The following ERBB4 variants were observed in gnomAD, a reference collection of about 807,000 sequenced individuals.
ERBB4 encodes the protein receptor tyrosine-protein kinase erbB-4.
In ERBB4, 42 loss-of-function variants were observed where a neutral mutation model predicts 158.0. The observed-to-expected ratio is 0.27, with a 90% CI of 0.21 to 0.34. The LOEUF (loss-of-function observed/expected upper bound fraction) is 0.34. Ranked by LOEUF, ERBB4 falls within the 10% of genes least tolerant of loss-of-function variation. The probability of loss-of-function intolerance (pLI) is 1.00; values close to 1 mark genes in which losing one functional copy is unlikely to be tolerated. For synonymous variants in ERBB4, 583 were observed against 558.7 expected (o/e 1.04, Z -0.61); for missense variants, 1,333 against 1,624.1 (o/e 0.82, Z 3.08).
In ERBB4 at chr2:212,211,979, T is replaced by C. The variant is rs111547420; in HGVS notation, c.83-87076A>G. Among the ~76,000 whole-genome samples the C allele has an allele frequency of 8.5e-3, 1,299 of 152,248 alleles. 20 individuals carry two copies. The highest frequency in any genetic ancestry group is 0.03 in the African/African-American group (1,231 of 41,554). ...GTCTATCAGTGATGGGCATTTGGGT[T>C]GGTTCCATATCTTTACTACTGTAAA... On this transcript the variant is annotated intron_variant, in intron 1 of 27. Coordinates refer to ENST00000342788, the MANE Select transcript of ERBB4 (RefSeq NM_005235.3).
intron 3 of ERBB4, among the ~76,000 whole-genome samples, chr2:211,828,574 T>TC (rs1231486323): frequency 1.3e-5 from 2 of 151,944 alleles, no homozygotes; most frequent in Non-Finnish European, 2.9e-5. Flanking sequence ...TTTTACATTT[T>TC]TTTGTCACTG....
chr2:211,874,518 C>T (rs1208699770), intron 3 of ERBB4, among the ~76,000 whole-genome samples: 1 of 152,068 alleles, frequency 6.6e-6, no homozygotes, highest in Admixed American at 6.6e-5. Flanking sequence ...GTAATATCTC[C>T]TTTGATAAAT....
At chr2:212,164,352 T>G (rs2081287289) in intron 1 of ERBB4, among the ~76,000 whole-genome samples, 1 of 152,068 alleles carries the variant, frequency 6.6e-6, no homozygotes, top group South Asian at 2.1e-4. Context: ...TTTAGACATA[T>G]TTAATCCAAG....
At chr2:212,102,775 C>A (rs1575635728) in intron 2 of ERBB4, among the ~76,000 whole-genome samples, 2 of 152,110 alleles carry the variant, frequency 1.3e-5, no homozygotes, top group Admixed American at 1.3e-4. Flanking sequence ...GTCAACAGAA[C>A]CTCTTCCACT....
intron 2 of ERBB4, among the ~76,000 whole-genome samples, chr2:212,009,412 C>T (rs904938494): frequency 6.6e-6 from 1 of 151,220 alleles, no homozygotes; most frequent in Non-Finnish European, 1.5e-5. Flanking sequence ...CACTTGGGGG[C>T]TACTAGATGT....
intron 20 of ERBB4, among the ~76,000 whole-genome samples, chr2:211,457,858 C>T (rs1237719311): frequency 1.3e-5 from 2 of 152,194 alleles, no homozygotes; most frequent in Admixed American, 1.3e-4. Flanking sequence ...CATGCAACTG[C>T]TAGAGACCAA....
rs188376385 is a variant in ERBB4, at chr2:211,679,257, C to G, written c.1490-73G>C. On this transcript the variant is annotated intron_variant, in intron 12 of 27. Transcript: ENST00000342788. ...AAACTTAAAATCTTCCTAGGTAATG[C>G]TATTTCTAAAGGAGTTCACTTAAAA... is the stretch of plus-strand genomic sequence containing the variant. 643 of 1,546,980 alleles carry G rather than the reference C, an allele frequency of 4.2e-4. 4 individuals carry two copies. In the African/African-American group the frequency reaches 7.8e-3, roughly 19 times the overall value.
intron 25 of ERBB4, among the ~76,000 whole-genome samples, chr2:211,411,155 C>T (rs1036052832): frequency 6.6e-5 from 10 of 152,188 alleles, no homozygotes; most frequent in Admixed American, 2.0e-4. Flanking sequence ...GATCCACCCA[C>T]CTCAGCCTCC....
chr2:211,931,856 T>C (rs561040140), intron 3 of ERBB4, among the ~76,000 whole-genome samples: 2 of 152,032 alleles, frequency 1.3e-5, no homozygotes, highest in African/African-American at 4.8e-5. Flanking sequence ...TGTTACTCTA[T>C]TGAGAACTGC....
At chr2:211,661,967 A>AGGC (rs1271999133) in intron 15 of ERBB4, among the ~76,000 whole-genome samples, 15 of 130,084 alleles carry the variant, frequency 1.2e-4, no homozygotes, top group Non-Finnish European at 2.1e-4. Context: ...TGAACCCGGG[A>AGGC]GGCGGAGCTT....
intron 4 of ERBB4, among the ~76,000 whole-genome samples, chr2:211,752,535 GAAGAA>G (rs933234952): frequency 7.7e-6 from 1 of 129,210 alleles, no homozygotes; most frequent in Admixed American, 8.1e-5. Flanking sequence ...AAATAGAAGA[GAAGAA>G]AAGAAAAAGT....
intron 18 of ERBB4, among the ~76,000 whole-genome samples, chr2:211,621,674 T>G (rs2069608948): frequency 6.6e-6 from 1 of 152,228 alleles, no homozygotes; most frequent in Non-Finnish European, 1.5e-5. Flanking sequence ...CCACATTATC[T>G]TTAAAAATAT....
At chr2:212,523,566 G>A (rs1023675612) in intron 1 of ERBB4, among the ~76,000 whole-genome samples, 4 of 95,196 alleles carry the variant, frequency 4.2e-5, no homozygotes, top group East Asian at 2.0e-4. Context: ...ATTTAAGAAT[G>A]ACAATTAAAA....
intron 1 of ERBB4, among the ~76,000 whole-genome samples, chr2:212,451,452 C>T (rs1574945395): frequency 1.3e-5 from 2 of 152,190 alleles, no homozygotes; most frequent in South Asian, 2.1e-4. Flanking sequence ...TATGTAAGGG[C>T]CTCTTTATAA....
intron 20 of ERBB4, among the ~76,000 whole-genome samples, chr2:211,443,089 A>G (rs544151370): frequency 6.6e-6 from 1 of 151,952 alleles, no homozygotes; most frequent in South Asian, 2.1e-4. Context: ...TACTCTTTCT[A>G]TCCTTTCATC....
chr2:212,470,804 T>C (rs542305250), intron 1 of ERBB4, among the ~76,000 whole-genome samples: 4 of 152,254 alleles, frequency 2.6e-5, no homozygotes, highest in African/African-American at 9.6e-5. Flanking sequence ...ATTATCTCAA[T>C]GTATTTCTTT....
At chr2:212,409,099 A>T (rs1234689598) in intron 1 of ERBB4, among the ~76,000 whole-genome samples, 2 of 152,158 alleles carry the variant, frequency 1.3e-5, no homozygotes, top group African/African-American at 4.8e-5. Context: ...AATTAGGCAG[A>T]ATTTTACTTC....
At chr2:211,787,874 T>C (rs748152123) in intron 4 of ERBB4, 151 bp downstream of exon 4, 58 of 680,256 alleles carry the variant, frequency 8.5e-5, no homozygotes, top group Non-Finnish European at 1.3e-4. Context: ...AGTAAAAGGT[T>C]GATCAGCCAT....
At chr2:212,149,390 T>C (rs1185653415) in intron 1 of ERBB4, among the ~76,000 whole-genome samples, 6 of 152,062 alleles carry the variant, frequency 3.9e-5, no homozygotes, top group Non-Finnish European at 5.9e-5. Context: ...TTTTTATAGA[T>C]CCATAAAATA....
Sources: allele counts gnomAD v4.1 joint callset (sites outside exome capture counted in the v4.1 genomes callset), GRCh38; gene constraint gnomAD v4.1.1; transcripts MANE v1.5; gene names NCBI Gene and HGNC (gene_info 2026-07-23, HGNC 2026-07-21).